MMP13: variants seen among roughly 807,000 people sequenced by gnomAD.
MMP13 encodes matrix metallopeptidase 13, also known as collagenase 3.
A neutral mutation model predicts 52.1 loss-of-function variants in MMP13; 45 were observed. The ratio of observed to expected loss-of-function variants is 0.86; its 90% CI spans 0.68 to 1.11. MMP13 has a LOEUF of 1.11. MMP13 is among the 50% of genes least tolerant of loss of function. The probability of loss-of-function intolerance (pLI) is 0.00; values close to 1 mark genes in which losing one functional copy is unlikely to be tolerated. For synonymous variants in MMP13, 200 were observed against 204.4 expected, an observed-to-expected ratio of 0.98 and a Z score of 0.18; for missense variants, 576 against 583.8, an observed-to-expected ratio of 0.99 and a Z score of 0.14.
At position 102,955,161 on chromosome 11, in the gene MMP13, C is replaced by T; in HGVS notation, c.362+91G>A. On this transcript the variant is annotated intron_variant, in intron 2 of 9. Coordinates refer to ENST00000260302, the MANE Select transcript of MMP13 (RefSeq NM_002427.4). This position sits in a 1 kb window ranked among gnomAD's most constrained non-coding sequence, Gnocchi z 4.9. ...TTAAAGCTATTCTGGAATTTAACTG[C>T]CAATTAAATAATAAGGCCTACTTAA... 2 of 1,430,150 alleles carry T rather than the reference C, an allele frequency of 1.4e-6. No homozygotes were observed. The highest frequency in any genetic ancestry group is 1.9e-6 in the Non-Finnish European group (2 of 1,032,460). 88.6% of individuals were successfully genotyped at this position (1,430,150 alleles called of 1,614,324 possible).
rs779122021 is a variant in MMP13, at chr11:102,954,598, T to C, written c.371A>G (p.Asn124Ser). The change falls in exon 3 of 10, where the codon AAT becomes AGT. Residue 124 changes from asparagine (N) to serine (S), a missense_variant. Transcript: ENST00000260302. ...SKMNLTYRIV[N>S]YTPDMTHSEV... The stretch of plus-strand genomic sequence containing the variant: ...AGAATGAGTCATATCAGGGGTGTAA[T>C]TCACAATTCTATTTAACAGAGAAAG... 2 of 1,613,434 alleles carry C rather than the reference T, an allele frequency of 1.2e-6. No individual in the cohort carries two copies. The highest frequency in any genetic ancestry group is 2.2e-5 in the South Asian group (2 of 91,062).
chr11:102,952,241 A>G lies in MMP13; in HGVS notation c.638-68T>C. On this transcript the variant is annotated intron_variant, in intron 4 of 9. Transcript: ENST00000260302. The surrounding 1 kb of genome is among the most constrained non-coding windows in gnomAD (Gnocchi z 4.3). ...GTGACCAGGTAATGAAAGGAATATC[A>G]TTTTATCTATCTGGTATGTTTCTTT... 6.6e-7 allele frequency: 1 copy of G among 1,509,514 alleles called. No homozygotes were observed. Among genetic ancestry groups the G allele is most frequent in the African/African-American group, 1.4e-5 (1 of 72,780 alleles). 93.5% of individuals were successfully genotyped at this position (1,509,514 alleles called of 1,614,324 possible).
chr11:102,945,256 A>AT, intron 9 of MMP13: 1 of 827,688 alleles, frequency 1.2e-6, no homozygotes, highest in Non-Finnish European at 1.6e-6. Flanking sequence ...AAAAAAAAAA[A>AT]GGTTGAGAAC....
chr11:102,944,197 A>C lies in MMP13; in HGVS notation c.*69T>G. On this transcript the variant is annotated 3_prime_UTR_variant, in exon 10 of 10. Coordinates refer to ENST00000260302, the MANE Select transcript of MMP13 (RefSeq NM_002427.4). ...TTCTCCTGATAGCTCTTCTTCCCCT[A>C]CCCCGCACTTCTGGAAGTATTACCC... The C allele has an allele frequency of 8.7e-7, 1 of 1,149,588 alleles. No individual in the cohort carries two copies. Among genetic ancestry groups the C allele is most frequent in the Non-Finnish European group, 1.3e-6 (1 of 762,110 alleles). 71.2% of individuals were successfully genotyped at this position (1,149,588 alleles called of 1,614,324 possible).
Position 102,946,948 on chromosome 11 carries a change from A to G in MMP13, c.1211+943T>C, listed in dbSNP as rs17860574. On this transcript the variant is annotated intron_variant, in intron 8 of 9. Transcript: ENST00000260302. ...GAAAGTTTCCACTTTAAACATTTAG[A>G]ATGTAGGGTACTGATGAGATATTCC... is the stretch of plus-strand genomic sequence containing the variant. Among the ~76,000 whole-genome samples the G allele has an allele frequency of 7.0e-3, 1,059 of 152,286 alleles. 19 individuals are homozygous for G. The highest frequency in any genetic ancestry group is 0.024 in the African/African-American group (985 of 41,550).
At chr11:102,948,828 T>C (rs1349246467) in intron 7 of MMP13, among the ~76,000 whole-genome samples, 197 bp downstream of exon 7, 1 of 152,202 alleles carries the variant, frequency 6.6e-6, no homozygotes, top group South Asian at 2.1e-4. Flanking sequence ...AGACTAATAA[T>C]GTAGACCTTT....
rs367612153 is a variant in MMP13, at chr11:102,949,125, A to G, written c.951T>C (p.Asp317=). 2 of 1,613,730 alleles carry G rather than the reference A, an allele frequency of 1.2e-6. No homozygotes were observed. Among genetic ancestry groups the G allele is most frequent in the Non-Finnish European group, 1.7e-6 (2 of 1,179,822 alleles). Residue 317 remains aspartate, a synonymous_variant, in exon 7 of 10, where the codon GAT becomes GAC. Coordinates refer to ENST00000260302, the MANE Select transcript of MMP13 (RefSeq NM_002427.4). This position sits in a 1 kb window ranked among gnomAD's most constrained non-coding sequence, Gnocchi z 4.2. Reference sequence around the variant, plus strand: ...ATGATTTCGTTAAAAACAGCTCCGCATCAACCTGCTGAGGATGCAGGCGCC... The same window carrying G: ...ATGATTTCGTTAAAAACAGCTCCGCGTCAACCTGCTGAGGATGCAGGCGCC... ...FFWRLHPQQV[D]AELFLTKSFW...
intron 4 of MMP13, among the ~76,000 whole-genome samples, chr11:102,953,634 G>C (rs2134521453): frequency 6.6e-6 from 1 of 152,258 alleles, no homozygotes; most frequent in African/African-American, 2.4e-5. Context: ...GCTGTTTGGA[G>C]TAAGAGTCTG....
chr11:102,948,712 C>T (rs533763963), intron 7 of MMP13, among the ~76,000 whole-genome samples: 1 of 152,176 alleles, frequency 6.6e-6, no homozygotes, highest in East Asian at 1.9e-4. Context: ...ATTTTTTCCA[C>T]TTTTTCAGAA....
Position 102,947,934 on chromosome 11 carries a change from C to T in MMP13, c.1168G>A (p.Asp390Asn), listed in dbSNP as rs1555016840. 1 of 1,613,946 alleles carries T rather than the reference C, an allele frequency of 6.2e-7. No homozygotes were observed. Among genetic ancestry groups the T allele is most frequent in the Non-Finnish European group, 8.5e-7 (1 of 1,179,918 alleles). ...GAGAACAGGAGAGTCTTGCCTGTATCCTCAAAGTGAACAGCTGCACTTATC... is the reference window on the plus strand; with the variant it reads ...GAGAACAGGAGAGTCTTGCCTGTATTCTCAAAGTGAACAGCTGCACTTATC... Reference protein sequence around the residue: ...KKISAAVHFEDTGKTLLFSGN... With the variant: ...KKISAAVHFENTGKTLLFSGN... The change falls in exon 8 of 10, where the codon GAT (aspartate) becomes AAT (asparagine). Residue 390 changes from aspartate (D) to asparagine (N), a missense_variant. Coordinates refer to ENST00000260302, the MANE Select transcript of MMP13 (RefSeq NM_002427.4).
chr11:102,951,455 G>A (rs888482171), intron 5 of MMP13, among the ~76,000 whole-genome samples: 13 of 152,268 alleles, frequency 8.5e-5, no homozygotes, highest in East Asian at 5.8e-4. Flanking sequence ...GTACAAATAC[G>A]AGGAGTTATA....
rs782286302 is a variant in MMP13, at chr11:102,950,153, C to T, written c.874G>A (p.Ala292Thr). Residue 292 changes from alanine (A) to threonine (T), a missense_variant, in exon 6 of 10, where the codon GCC becomes ACC. Ala to Thr is a moderately conservative substitution (Grantham distance 58). Transcript: ENST00000260302. ...DKCDPSLSLD[A>T]ITSLRGETMI... Reference sequence around the variant, plus strand: ...GTTTCTCCTCGGAGACTGGTAATGGCATCAAGGGATAAGGAAGGGTCACAT... The same window carrying T: ...GTTTCTCCTCGGAGACTGGTAATGGTATCAAGGGATAAGGAAGGGTCACAT... 3 of 1,613,796 alleles carry T rather than the reference C, an allele frequency of 1.9e-6. No homozygotes were observed. Among genetic ancestry groups the T allele is most frequent in the Non-Finnish European group, 2.5e-6 (3 of 1,179,756 alleles).
chr11:102,945,724 C>G lies in MMP13; in HGVS notation c.1237G>C (p.Asp413His), dbSNP rs572644245. 17 of 1,592,384 alleles carry G rather than the reference C, an allele frequency of 1.1e-5. No homozygotes were observed. The highest frequency in any genetic ancestry group is 1.5e-5 in the Non-Finnish European group (17 of 1,161,812). Reference sequence around the variant, plus strand: ...TCTATTAGTCTCGGATAGTCTTTATCCATAATATGGTTAGTATCATCATAT... The same window carrying G: ...TCTATTAGTCTCGGATAGTCTTTATGCATAATATGGTTAGTATCATCATAT... The part of the protein sequence containing the change: ...WRYDDTNHIM[D>H]KDYPRLIEED... Residue 413 changes from aspartate to histidine, a missense_variant, in exon 9 of 10, where the codon GAT becomes CAT. Coordinates refer to ENST00000260302, the MANE Select transcript of MMP13 (RefSeq NM_002427.4).
At position 102,943,567 on chromosome 11, in the gene MMP13, C is replaced by T. The variant is rs1860443764; in HGVS notation, c.*699G>A. 1 of 152,158 alleles carries T rather than the reference C, an allele frequency of 6.6e-6. No individual in the cohort carries two copies. Among genetic ancestry groups the T allele is most frequent in the African/African-American group, 2.4e-5 (1 of 41,434 alleles). The allele number at this position is 152,158 out of a possible 1,614,324, so 9.4% of individuals were successfully genotyped here. A position where few individuals can be genotyped will look rare whatever the true frequency, so the allele number is the denominator to read the frequency against. On this transcript the variant is annotated 3_prime_UTR_variant, in exon 10 of 10. Transcript: ENST00000260302. ...ATAAAAAGACATCATCCTTCTTTATCCTTTATAATATGCAAAGGAATATTT... is the reference window on the plus strand; with the variant it reads ...ATAAAAAGACATCATCCTTCTTTATTCTTTATAATATGCAAAGGAATATTT...
At position 102,952,816 on chromosome 11, in the gene MMP13, A is replaced by G. The variant is rs1860633519; in HGVS notation, c.638-643T>C. ...TCACTGTATTTACATTGTTCCCTCT[A>G]AGCATTCTGTCTGCCAATTTTGAGC... On this transcript the variant is annotated intron_variant, in intron 4 of 9. Coordinates refer to ENST00000260302, the MANE Select transcript of MMP13 (RefSeq NM_002427.4). The surrounding 1 kb of genome is among the most constrained non-coding windows in gnomAD (Gnocchi z 4.3). Among the ~76,000 whole-genome samples, 1 of 152,166 alleles carries G rather than the reference A, an allele frequency of 6.6e-6. No individual in the cohort carries two copies.
intron 8 of MMP13, among the ~76,000 whole-genome samples, chr11:102,946,565 G>C (rs1335340139): frequency 6.6e-6 from 1 of 152,200 alleles, no homozygotes; most frequent in Non-Finnish European, 1.5e-5. Context: ...GAAATCAAAA[G>C]AGGCTTTGTA....
At chr11:102,948,925 T>C in intron 7 of MMP13, 100 bp downstream of exon 7, 2 of 1,483,948 alleles carry the variant, frequency 1.3e-6, no homozygotes, top group African/African-American at 1.4e-5. Flanking sequence ...TTAATTTAGG[T>C]ATATTTTCAG....
rs10895372 is a variant in MMP13 at position 102,948,845 on chromosome 11, T to C, written c.1051+180A>G. On this transcript the variant is annotated intron_variant, in intron 7 of 9. Transcript: ENST00000260302. ...ACTAATAATGTAGACCTTTTATATG[T>C]TCAATTTGGAGATTCATGGTAGAAT... 0.16 allele frequency among the ~76,000 whole-genome samples: 24,459 copies of C among 152,160 alleles called. 2,088 individuals are homozygous for C. Among genetic ancestry groups the C allele is most frequent in the South Asian group, 0.31 (1,502 of 4,824 alleles).
intron 8 of MMP13, 25 bp downstream of exon 8, chr11:102,947,865 TG>T: frequency 6.2e-7 from 1 of 1,613,556 alleles, no homozygotes; most frequent in Non-Finnish European, 8.5e-7. Flanking sequence ...ATGACACAGA[TG>T]GGTCAGTACC....
Sources: gnomAD v4.1 joint callset for allele counts (sites outside exome capture counted in the v4.1 genomes callset) on GRCh38, gnomAD v4.1.1 for gene constraint, Gnocchi (gnomAD v3.1) non-coding constraint, MANE v1.5 for transcripts, NCBI Gene and HGNC (gene_info 2026-07-23, HGNC 2026-07-21) for gene names.